The following ANO6 variants were observed in gnomAD, a reference collection of about 807,000 sequenced individuals.
ANO6 encodes anoctamin 6, also known as anoctamin-6.
Under a neutral mutation model 117.5 loss-of-function variants are expected in ANO6, and 106 were observed. The ratio of observed to expected loss-of-function variants is 0.90; its 90% CI spans 0.77 to 1.06. ANO6 has a LOEUF of 1.06. Ranked by LOEUF, ANO6 falls within the 50% of genes least tolerant of loss-of-function variation. ANO6 has a pLI of 0.00. For missense variants in ANO6, 955 were observed against 1,121.1 expected (o/e 0.85, Z 2.12); for synonymous variants, 367 against 385.1 (o/e 0.95, Z 0.55).
In ANO6 at chr12:45,431,084, T is replaced by C; in HGVS notation, c.*1773T>C. On this transcript the variant is annotated 3_prime_UTR_variant, in exon 20 of 20. Transcript: ENST00000320560. ...TATGTAGGATCCATCAAAGCAGTAT[T>C]GTAGGCTTTTGAATTGTCCCAGTGG... 1.0e-6 allele frequency: 1 copy of C among 985,416 alleles called. No homozygotes were observed. Among genetic ancestry groups the C allele is most frequent in the South Asian group, 4.7e-5 (1 of 21,288 alleles). The allele number at this position is 985,416 out of a possible 1,614,324, so 61.0% of individuals were successfully genotyped here.
At chr12:45,416,246 G>A (rs1336362271) in intron 16 of ANO6, among the ~76,000 whole-genome samples, 2 of 151,922 alleles carry the variant, frequency 1.3e-5, no homozygotes, top group African/African-American at 2.4e-5. Context: ...TTCTTCTAAC[G>A]TTCTCTAAGT....
chr12:45,226,956 T>TA lies in ANO6; in HGVS notation c.70+10572dup, dbSNP rs201248193. Among the ~76,000 whole-genome samples, 919 of 150,684 alleles carry TA rather than the reference T, an allele frequency of 6.1e-3. 8 individuals are homozygous for TA. Among genetic ancestry groups the TA allele is most frequent in the African/African-American group, 0.021 (848 of 41,210 alleles). ...CATAAAACATAAGATATTCTTTATTTAAAAAAATTAACAAAAATTATCATT... is the reference window on the plus strand; with the variant it reads ...CATAAAACATAAGATATTCTTTATTTAAAAAAAATTAACAAAAATTATCATT... On this transcript the variant is annotated intron_variant, in intron 1 of 19. Coordinates refer to ENST00000320560, the MANE Select transcript of ANO6 (RefSeq NM_001025356.3).
At chr12:45,366,378 C>T (rs553144476) in intron 8 of ANO6, among the ~76,000 whole-genome samples, 17 of 151,556 alleles carry the variant, frequency 1.1e-4, no homozygotes, top group Admixed American at 6.6e-5. Context: ...TAAGTTGGTA[C>T]GTTGGCATTC....
chr12:45,432,612 G>A (rs1943658508), downstream of ANO6, among the ~76,000 whole-genome samples: 1 of 152,160 alleles, frequency 6.6e-6, no homozygotes, highest in Non-Finnish European at 1.5e-5. Flanking sequence ...CTTTTTACCA[G>A]ACTTTTGAAT....
chr12:45,330,552 C>T (rs1328508394), intron 2 of ANO6, among the ~76,000 whole-genome samples: 1 of 152,092 alleles, frequency 6.6e-6, no homozygotes, highest in Non-Finnish European at 1.5e-5. Context: ...ACAATTCTAT[C>T]CAACTCCATA....
chr12:45,301,635 AAAAG>A (rs1039945682), intron 1 of ANO6, among the ~76,000 whole-genome samples: 1 of 151,856 alleles, frequency 6.6e-6, no homozygotes, highest in African/African-American at 2.4e-5. Flanking sequence ...AAAAAAAAGA[AAAAG>A]AAGATTGCTA....
intron 3 of ANO6, among the ~76,000 whole-genome samples, chr12:45,340,896 G>A (rs573716387): frequency 6.6e-6 from 1 of 152,080 alleles, no homozygotes; most frequent in South Asian, 2.1e-4. Flanking sequence ...GACAAATATA[G>A]CACATATGCT....
chr12:45,420,597 C>T (rs550207492), intron 17 of ANO6, among the ~76,000 whole-genome samples: 3 of 152,222 alleles, frequency 2.0e-5, no homozygotes, highest in Admixed American at 2.0e-4. Context: ...AGAGCAAGAT[C>T]TTATCTCACT....
chr12:45,319,041 T>C (rs146280523), intron 2 of ANO6, among the ~76,000 whole-genome samples: 1 of 152,182 alleles, frequency 6.6e-6, no homozygotes, highest in Admixed American at 6.5e-5. Flanking sequence ...TTTCTAGATA[T>C]ACAATCATGT....
At chr12:45,265,558 C>T (rs1938187574) in intron 1 of ANO6, among the ~76,000 whole-genome samples, 1 of 152,134 alleles carries the variant, frequency 6.6e-6, no homozygotes, top group Non-Finnish European at 1.5e-5. Context: ...CACAGCAGCC[C>T]TATGAACAGA....
chr12:45,224,486 C>G (rs891623367), intron 1 of ANO6, among the ~76,000 whole-genome samples: 2 of 152,112 alleles, frequency 1.3e-5, no homozygotes, highest in Admixed American at 6.5e-5. Flanking sequence ...AAAAACAAAG[C>G]AAACTATCCT....
At chr12:45,325,527 A>G (rs1229555088) in intron 2 of ANO6, among the ~76,000 whole-genome samples, 1 of 152,100 alleles carries the variant, frequency 6.6e-6, no homozygotes. Flanking sequence ...GTAATGCTTT[A>G]TTGGGAATAT....
At chr12:45,223,401 A>G (rs1947434924) in intron 1 of ANO6, among the ~76,000 whole-genome samples, 1 of 152,130 alleles carries the variant, frequency 6.6e-6, no homozygotes, top group Admixed American at 6.5e-5. Flanking sequence ...GTTGCTGGGG[A>G]GAAATCCTTG....
chr12:45,218,726 T>C (rs1435352922), intron 1 of ANO6, among the ~76,000 whole-genome samples: 1 of 152,222 alleles, frequency 6.6e-6, no homozygotes, highest in Admixed American at 6.5e-5. Flanking sequence ...AAAATAATTA[T>C]TATTTCCAAC....
At chr12:45,313,869 G>C (rs955265350) in intron 2 of ANO6, among the ~76,000 whole-genome samples, 1 of 152,114 alleles carries the variant, frequency 6.6e-6, no homozygotes, top group East Asian at 1.9e-4. Context: ...TTGAGTAAGC[G>C]ACTATTAGCT....
At position 45,431,816 on chromosome 12, in the gene ANO6, G is replaced by T; in HGVS notation, c.*2505G>T. On this transcript the variant is annotated 3_prime_UTR_variant, in exon 20 of 20. Coordinates refer to ENST00000320560, the MANE Select transcript of ANO6 (RefSeq NM_001025356.3). ...GTGAAGAGGGAGAATCTAGCCTTCA[G>T]CCTGTCCAGTGTTAACCACTAGAGA... 1 of 985,450 alleles carries T rather than the reference G, an allele frequency of 1.0e-6. No homozygotes were observed. Among genetic ancestry groups the T allele is most frequent in the Non-Finnish European group, 1.2e-6 (1 of 829,938 alleles). The allele number at this position is 985,450 out of a possible 1,614,324, so 61.0% of individuals were successfully genotyped here.
At chr12:45,254,147 CAG>C (rs1274589544) in intron 1 of ANO6, among the ~76,000 whole-genome samples, 1 of 152,132 alleles carries the variant, frequency 6.6e-6, no homozygotes, top group Non-Finnish European at 1.5e-5. Context: ...AACCTAGCAA[CAG>C]AGCAAGACTC....
In ANO6 at chr12:45,348,598, T is replaced by C; in HGVS notation, c.714T>C (p.Ser238=). 6.2e-7 allele frequency: 1 copy of C among 1,613,984 alleles called. No homozygotes were observed. The highest frequency in any genetic ancestry group is 1.1e-5 in the South Asian group (1 of 91,078). ...TTGGGATCAACAGACTTGTAAACTC[T>C]GGGATCTACAAGGCAGCTTTCCCAC... ...SKFGINRLVN[S]GIYKAAFPLH... is the part of the protein sequence containing the mutation. Residue 238 remains serine (S), a synonymous_variant, in exon 6 of 20, where the codon TCT becomes TCC. Coordinates refer to ENST00000320560, the MANE Select transcript of ANO6 (RefSeq NM_001025356.3).
chr12:45,295,369 G>A (rs915315224), intron 1 of ANO6, among the ~76,000 whole-genome samples: 2 of 152,174 alleles, frequency 1.3e-5, no homozygotes, highest in Non-Finnish European at 2.9e-5. Flanking sequence ...CAGAGAAAGA[G>A]ATGTTGGAAC....
Sources: allele counts gnomAD v4.1 joint callset (sites outside exome capture counted in the v4.1 genomes callset), GRCh38; gene constraint gnomAD v4.1.1; transcripts MANE v1.5; gene names NCBI Gene and HGNC (gene_info 2026-07-23, HGNC 2026-07-21).